The following ZGRF1 variants were observed in gnomAD, a reference collection of about 807,000 sequenced individuals.
ZGRF1 encodes the protein zinc finger GRF-type containing 1, also known as 5'-3' DNA helicase ZGRF1.
A neutral mutation model predicts 203.5 loss-of-function variants in ZGRF1; 196 were observed. The observed-to-expected ratio is 0.96, with a 90% CI of 0.86 to 1.08. The LOEUF (loss-of-function observed/expected upper bound fraction) is 1.08. ZGRF1 is among the 50% of genes least tolerant of loss of function. The probability of loss-of-function intolerance (pLI) is 0.00; values close to 1 mark genes in which losing one functional copy is unlikely to be tolerated. For missense variants in ZGRF1, 2,326 were observed against 2,416.3 expected (o/e 0.96, Z 0.78); for synonymous variants, 809 against 841.3 (o/e 0.96, Z 0.66).
At position 112,618,950 on chromosome 4, in the gene ZGRF1, T is replaced by C; in HGVS notation, c.1092A>G (p.Lys364=). ...AQEDDVNSNL[K]DLSLQKIIQF... ...GTATAATTTTTTGTAATGAAAGGTC[T>C]TTCAAATTAGAATTTACATCATCTT... The change falls in exon 6 of 28, where the codon AAA becomes AAG. Residue 364 remains lysine, a synonymous_variant. Transcript: ENST00000505019. 3 of 1,613,764 alleles carry C rather than the reference T, an allele frequency of 1.9e-6. No homozygotes were observed. The highest frequency in any genetic ancestry group is 2.5e-6 in the Non-Finnish European group (3 of 1,179,906).
rs780808038 is a variant in ZGRF1, at chr4:112,603,555, G to C, written c.2945C>G (p.Pro982Arg). ...ENFMTETPEL[P>R]STCMQIDFLQ... Reference sequence around the variant, plus strand: ...GAAGTCAATCTGCATACACGTGCTAGGTAACTCTGGTGTCTCTGTCATAAA... The same window carrying C: ...GAAGTCAATCTGCATACACGTGCTACGTAACTCTGGTGTCTCTGTCATAAA... Residue 982 changes from proline (P) to arginine (R), a missense_variant, in exon 10 of 28, where the codon CCT becomes CGT. Coordinates refer to ENST00000505019, the MANE Select transcript of ZGRF1 (RefSeq NM_018392.5). The C allele has an allele frequency of 6.2e-7, 1 of 1,613,524 alleles. No homozygotes were observed. The highest frequency in any genetic ancestry group is 8.5e-7 in the Non-Finnish European group (1 of 1,179,696).
chr4:112,550,871 G>T (rs1440754258), intron 22 of ZGRF1, among the ~76,000 whole-genome samples: 1 of 152,030 alleles, frequency 6.6e-6, no homozygotes, highest in East Asian at 1.9e-4. Context: ...AATTTTTTTA[G>T]AAGTCTACAG....
rs184225820 is a variant in ZGRF1 at position 112,633,613 on chromosome 4, C to T, written c.-66-371G>A. 2.0e-5 allele frequency among the ~76,000 whole-genome samples: 3 copies of T among 152,234 alleles called. No homozygotes were observed. The East Asian group carries it at 5.8e-4, about 29-fold the overall frequency. On this transcript the variant is annotated intron_variant, in intron 1 of 27. Transcript: ENST00000505019. Reference sequence around the variant, plus strand: ...ATTGCTACGGTTACCACAAGATGGCCCCCTTGTGTTTTAAATTTTTCCTTT... The same window carrying T: ...ATTGCTACGGTTACCACAAGATGGCTCCCTTGTGTTTTAAATTTTTCCTTT...
intron 10 of ZGRF1, among the ~76,000 whole-genome samples, chr4:112,594,894 A>C (rs2149058092): frequency 6.6e-6 from 1 of 152,286 alleles, no homozygotes; most frequent in African/African-American, 2.4e-5. Flanking sequence ...AGATCAAAAC[A>C]TCTTTAAATG....
intron 10 of ZGRF1, among the ~76,000 whole-genome samples, chr4:112,590,783 G>A (rs1454868211): frequency 2.6e-5 from 4 of 151,744 alleles, no homozygotes; most frequent in South Asian, 2.1e-4. Context: ...AAAATTAGCC[G>A]GACATGGTGG....
At position 112,581,647 on chromosome 4, in the gene ZGRF1, G is replaced by T; in HGVS notation, c.4438+16C>A. 8.3e-6 allele frequency: 13 copies of T among 1,563,472 alleles called. No homozygotes were observed. The highest frequency in any genetic ancestry group is 1.1e-5 in the Non-Finnish European group (13 of 1,159,972). On this transcript the variant is annotated intron_variant, in intron 16 of 27. Transcript: ENST00000505019. ...TAAGGCTAGACTGAATCGCCAGTATGATCAGATCAACTTACTTTTGCTATA... is the reference window on the plus strand; with the variant it reads ...TAAGGCTAGACTGAATCGCCAGTATTATCAGATCAACTTACTTTTGCTATA...
In ZGRF1 at chr4:112,619,416, T is replaced by C. The variant is rs1193517798; in HGVS notation, c.626A>G (p.Glu209Gly). 3 of 1,613,328 alleles carry C rather than the reference T, an allele frequency of 1.9e-6. No individual in the cohort carries two copies. Among genetic ancestry groups the C allele is most frequent in the African/African-American group, 1.3e-5 (1 of 75,024 alleles). ...GACAGGTGAGCAAAAATAATTTTCT[T>C]CACACAGCACTTCTGGGTTAATCTG... ...SFQINPEVLC[E>G]ENYFCSPVNS... Residue 209 changes from glutamate to glycine, a missense_variant, in exon 6 of 28, where the codon GAA becomes GGA. Glu to Gly is a moderately conservative substitution (Grantham distance 98). Transcript: ENST00000505019.
intron 18 of ZGRF1, chr4:112,561,327 A>G (rs1741941250): frequency 4.1e-6 from 1 of 244,182 alleles, no homozygotes; most frequent in Non-Finnish European, 8.1e-6. Context: ...TTTTCCCCCA[A>G]TACCACACCA....
At chr4:112,602,005 G>A (rs890513642) in intron 10 of ZGRF1, among the ~76,000 whole-genome samples, 15 of 152,162 alleles carry the variant, frequency 9.9e-5, no homozygotes, top group Non-Finnish European at 2.1e-4. Context: ...AGGAGTTCGA[G>A]ACCAGCCTGA....
chr4:112,547,480 G>A, intron 23 of ZGRF1, 72 bp from the exon 24 acceptor site: 1 of 1,392,626 alleles, frequency 7.2e-7, no homozygotes, highest in South Asian at 1.4e-5. Context: ...TGCACTGTTT[G>A]CCAAAATTGC....
At position 112,560,852 on chromosome 4, in the gene ZGRF1, T is replaced by C. The variant is rs1484998041; in HGVS notation, c.4841A>G (p.Lys1614Arg). 3 of 1,613,706 alleles carry C rather than the reference T, an allele frequency of 1.9e-6. No homozygotes were observed. The highest frequency in any genetic ancestry group is 2.5e-6 in the Non-Finnish European group (3 of 1,179,782). The stretch of plus-strand genomic sequence containing the variant: ...AGCTGTAGCTTGATCCTTGTTTAAC[T>C]TGTGTACCTGAATCAACTCACTAGC... ...KLASELIQVH[K>R]LNKDQATALI... The change falls in exon 19 of 28, where the codon AAG becomes AGG. Residue 1614 changes from lysine to arginine, a missense_variant. Transcript: ENST00000505019.
chr4:112,574,671 C>G lies in ZGRF1; in HGVS notation c.4438+6992G>C, dbSNP rs1290483402. Among the ~76,000 whole-genome samples the G allele has an allele frequency of 2.0e-5, 3 of 152,130 alleles. No homozygotes were observed. The South Asian group carries it at 6.2e-4, about 32-fold the overall frequency. ...AGGTGAGCTATGTGAGGACCAATGA[C>G]TAAGAGTAGGTCACAAAATCTCAAA... On this transcript the variant is annotated intron_variant, in intron 16 of 27. Transcript: ENST00000505019.
intron 24 of ZGRF1, among the ~76,000 whole-genome samples, chr4:112,543,555 A>G (rs1402574419): frequency 6.6e-6 from 1 of 152,170 alleles, no homozygotes; most frequent in Non-Finnish European, 1.5e-5. Context: ...AACCTACTTC[A>G]TATTTTAAAA....
intron 24 of ZGRF1, among the ~76,000 whole-genome samples, chr4:112,546,020 A>C (rs1738678884): frequency 6.6e-6 from 1 of 151,414 alleles, no homozygotes; most frequent in Non-Finnish European, 1.5e-5. Context: ...TAATGAAAAA[A>C]TTCTGGAAAT....
rs1739031258 is a variant in ZGRF1 at position 112,547,415 on chromosome 4, C to T, written c.5475-7G>A. On this transcript the variant is annotated splice_region_variant and splice_polypyrimidine_tract_variant and intron_variant, in intron 23 of 27. Transcript: ENST00000505019. ...CAGCTTTTCACACTCAAACCTAAAA[C>T]AGAATTTCAAAAATTAATCTAAGCA... 1 of 1,597,458 alleles carries T rather than the reference C, an allele frequency of 6.3e-7. No individual in the cohort carries two copies. The highest frequency in any genetic ancestry group is 8.5e-7 in the Non-Finnish European group (1 of 1,174,848).
At chr4:112,543,446 T>C (rs1738103385) in intron 24 of ZGRF1, among the ~76,000 whole-genome samples, 1 of 152,254 alleles carries the variant, frequency 6.6e-6, no homozygotes, top group Middle Eastern at 3.2e-3. Flanking sequence ...ACTATCTATA[T>C]GGATCAAGCT....
chr4:112,585,904 TAAAA>T (rs34893186), intron 13 of ZGRF1, among the ~76,000 whole-genome samples, 179 bp from the exon 14 acceptor site: 3 of 135,208 alleles, frequency 2.2e-5, no homozygotes, highest in Admixed American at 7.5e-5. Context: ...CACTTCTAGT[TAAAA>T]AAAAAAAAAA....
rs142268709 is a variant in ZGRF1, at chr4:112,598,411, A to G, written c.2976+5113T>C. 1.1e-4 allele frequency among the ~76,000 whole-genome samples: 17 copies of G among 152,328 alleles called. No homozygotes were observed. In the East Asian group the frequency reaches 2.9e-3, roughly 26 times the overall value. On this transcript the variant is annotated intron_variant, in intron 10 of 27. Transcript: ENST00000505019. ...AAGAAAATGTAATCATAGTATACCA[A>G]TTGGCTCAGCAGTGAAAATATTAAA... is the stretch of plus-strand genomic sequence containing the variant.
At chr4:112,619,759 G>GAA in intron 5 of ZGRF1, 69 bp from the exon 6 acceptor site, 2 of 1,198,572 alleles carry the variant, frequency 1.7e-6, no homozygotes, top group Non-Finnish European at 1.2e-6. Context: ...AACTGGCTAA[G>GAA]AAAAAAAAAG....
Sources: allele counts gnomAD v4.1 joint callset (sites outside exome capture counted in the v4.1 genomes callset), GRCh38; gene constraint gnomAD v4.1.1; transcripts MANE v1.5; gene names NCBI Gene and HGNC (gene_info 2026-07-23, HGNC 2026-07-21).